The following MAT2A variants were observed in gnomAD, a reference collection of about 807,000 sequenced individuals.
MAT2A encodes the protein methionine adenosyltransferase 2A.
A neutral mutation model predicts 43.9 loss-of-function variants in MAT2A; 3 were observed. That is an observed-to-expected ratio of 0.07 (90% CI 0.03 to 0.18). MAT2A has a LOEUF of 0.18. MAT2A is among the 10% of genes least tolerant of loss of function. The pLI, the probability that MAT2A is intolerant of heterozygous loss-of-function variation, is 1.00. For missense variants in MAT2A, 204 were observed against 489.0 expected (o/e 0.42, Z 5.50); for synonymous variants, 200 against 168.4 (o/e 1.19, Z -1.45).
chr2:85,539,680 C>T (rs930124613), intron 1 of MAT2A: 1 of 249,378 alleles, frequency 4.0e-6, no homozygotes, highest in East Asian at 1.0e-4. Context: ...CTAGTGAGTT[C>T]TGGCCGGGAA....
intron 3 of MAT2A, 115 bp from the exon 4 acceptor site, chr2:85,541,518 G>T: frequency 6.9e-6 from 9 of 1,306,090 alleles, no homozygotes; most frequent in Non-Finnish European, 9.5e-6. Context: ...TCTCTAAAAG[G>T]TCCGATGGTT....
At chr2:85,541,416 C>T in intron 3 of MAT2A, 39 bp downstream of exon 3, 1 of 1,602,610 alleles carries the variant, frequency 6.2e-7, no homozygotes, top group Non-Finnish European at 8.5e-7. Context: ...TTCTAGGTAA[C>T]AGCTGTGAGG....
rs1573310765 is a variant in MAT2A at position 85,544,938 on chromosome 2, A to G, written c.*1166A>G. On this transcript the variant is annotated 3_prime_UTR_variant, in exon 9 of 9. Transcript: ENST00000306434. Reference sequence around the variant, plus strand: ...CACCTCAGATGGCAGCTTTTAAAAGATTTTTTTTTTTTCTCTCAACACCAT... The same window carrying G: ...CACCTCAGATGGCAGCTTTTAAAAGGTTTTTTTTTTTTCTCTCAACACCAT... 6.8e-6 allele frequency: 1 copy of G among 147,634 alleles called. No homozygotes were observed. The highest frequency in any genetic ancestry group is 2.5e-5 in the African/African-American group (1 of 40,306). 9.1% of individuals were successfully genotyped at this position (147,634 alleles called of 1,614,324 possible).
At chr2:85,540,278 G>GT (rs1691439033) in intron 1 of MAT2A, among the ~76,000 whole-genome samples, 2 of 152,200 alleles carry the variant, frequency 1.3e-5, no homozygotes, top group Admixed American at 1.3e-4. Flanking sequence ...TCTTTTGGCT[G>GT]TTTCTGCCCT....
chr2:85,541,756 G>A lies in MAT2A; in HGVS notation c.405+11G>A. On this transcript the variant is annotated intron_variant, in intron 4 of 8. Coordinates refer to ENST00000306434, the MANE Select transcript of MAT2A (RefSeq NM_005911.6). Reference sequence around the variant, plus strand: ...GGTGCTGGAGACCAGGTATCTTGGTGTAGAGGCTGTTTTAATCTCTTCTAA... The same window carrying A: ...GGTGCTGGAGACCAGGTATCTTGGTATAGAGGCTGTTTTAATCTCTTCTAA... 1.2e-6 allele frequency: 2 copies of A among 1,613,854 alleles called. No homozygotes were observed. Among genetic ancestry groups the A allele is most frequent in the South Asian group, 2.2e-5 (2 of 91,062 alleles).
chr2:85,541,933 T>C lies in MAT2A; in HGVS notation c.510T>C (p.Asn170=). Residue 170 remains asparagine, a synonymous_variant, in exon 5 of 9, where the codon AAT becomes AAC. Coordinates refer to ENST00000306434, the MANE Select transcript of MAT2A (RefSeq NM_005911.6). ...LNAKLAELRR[N]GTLPWLRPDS... ...CCAAACTGGCAGAACTACGCCGTAA[T>C]GGCACTTTGCCTTGGTTACGCCCTG... 1 of 1,614,244 alleles carries C rather than the reference T, an allele frequency of 6.2e-7. No individual in the cohort carries two copies. Among genetic ancestry groups the C allele is most frequent in the Non-Finnish European group, 8.5e-7 (1 of 1,180,024 alleles).
At chr2:85,539,609 C>T (rs1573306645) in intron 1 of MAT2A, 1 of 403,926 alleles carries the variant, frequency 2.5e-6, no homozygotes, top group Non-Finnish European at 4.4e-6. Flanking sequence ...CCTTTTCATT[C>T]GGTCGCGCGC....
Position 85,543,989 on chromosome 2 carries a change from G to C in MAT2A, c.*217G>C. 1 of 455,626 alleles carries C rather than the reference G, an allele frequency of 2.2e-6. No individual in the cohort carries two copies. Among genetic ancestry groups the C allele is most frequent in the Non-Finnish European group, 4.0e-6 (1 of 252,110 alleles). The allele number at this position is 455,626 out of a possible 1,614,324, so 28.2% of individuals were successfully genotyped here. A position where few individuals can be genotyped will look rare whatever the true frequency, so the allele number is the denominator to read the frequency against. On this transcript the variant is annotated 3_prime_UTR_variant, in exon 9 of 9. Transcript: ENST00000306434. Reference sequence around the variant, plus strand: ...TAGGTGTTTTGTTCACCATTATAATGAATTTAGTGAGCATAGGTGATCCAT... The same window carrying C: ...TAGGTGTTTTGTTCACCATTATAATCAATTTAGTGAGCATAGGTGATCCAT...
chr2:85,539,187 C>A lies in MAT2A; in HGVS notation c.-101C>A. The stretch of plus-strand genomic sequence containing the variant: ...TGCTTCGTTCGCTCCGCGCCGCCCG[C>A]CTGCTACGAGTAGAACGCTGTCCGC... On this transcript the variant is annotated 5_prime_UTR_variant, in exon 1 of 9. Transcript: ENST00000306434. 1 of 841,850 alleles carries A rather than the reference C, an allele frequency of 1.2e-6. No homozygotes were observed. Among genetic ancestry groups the A allele is most frequent in the South Asian group, 1.6e-5 (1 of 62,446 alleles). 52.1% of individuals were successfully genotyped at this position (841,850 alleles called of 1,614,324 possible).
At chr2:85,539,491 G>C in intron 1 of MAT2A, 113 bp downstream of exon 1, 2 of 758,262 alleles carry the variant, frequency 2.6e-6, no homozygotes, top group South Asian at 2.2e-5. Context: ...CGTCCGCCGG[G>C]TGATGGAAGA....
chr2:85,542,443 T>C, intron 6 of MAT2A, 70 bp downstream of exon 6: 1 of 1,561,652 alleles, frequency 6.4e-7, no homozygotes, highest in Non-Finnish European at 8.8e-7. Flanking sequence ...TACATTTTTT[T>C]CAGGCTTTCT....
At chr2:85,542,132 T>C (rs1691491532) in intron 5 of MAT2A, 23 bp from the exon 6 acceptor site, 1 of 1,601,508 alleles carries the variant, frequency 6.2e-7, no homozygotes, top group African/African-American at 1.3e-5. Flanking sequence ...TGTGATGTTC[T>C]GATGACCTGT....
chr2:85,542,684 T>C lies in MAT2A; in HGVS notation c.888T>C (p.Tyr296=), dbSNP rs1224779618. The C allele has an allele frequency of 3.1e-6, 5 of 1,613,660 alleles. No homozygotes were observed. Among genetic ancestry groups the C allele is most frequent in the South Asian group, 1.1e-5 (1 of 91,062 alleles). The change falls in exon 7 of 9, where the codon TAT becomes TAC. Residue 296 remains tyrosine (Y), a synonymous_variant. Transcript: ENST00000306434. ...CCAAGGTCGACCGTTCAGCTGCTTA[T>C]GCTGCTCGTTGGGTGGCAAAATCCC... ...DYTKVDRSAA[Y]AARWVAKSLV...
In MAT2A at chr2:85,544,711, C is replaced by T. The variant is rs1327454679; in HGVS notation, c.*939C>T. 3 of 152,578 alleles carry T rather than the reference C, an allele frequency of 2.0e-5. No homozygotes were observed. The highest frequency in any genetic ancestry group is 4.4e-5 in the Non-Finnish European group (3 of 68,044). The allele number at this position is 152,578 out of a possible 1,614,324, so 9.5% of individuals were successfully genotyped here. The stretch of plus-strand genomic sequence containing the variant: ...CTGAGTACTCCACACTGCACAATAA[C>T]TCCTCCCAGGGTTTTAACTTTGTTT... On this transcript the variant is annotated 3_prime_UTR_variant, in exon 9 of 9. Coordinates refer to ENST00000306434, the MANE Select transcript of MAT2A (RefSeq NM_005911.6).
chr2:85,542,412 G>T, intron 6 of MAT2A, 39 bp downstream of exon 6: 1 of 1,594,694 alleles, frequency 6.3e-7, no homozygotes, highest in Non-Finnish European at 8.6e-7. Flanking sequence ...ATTTTTGATG[G>T]TTACTTAAAA....
At chr2:85,540,463 C>T (rs928150839) in intron 1 of MAT2A, among the ~76,000 whole-genome samples, 1 of 152,182 alleles carries the variant, frequency 6.6e-6, no homozygotes. Flanking sequence ...TCAGAGCCTG[C>T]AGTCTGGCTT....
chr2:85,541,211 T>C, intron 2 of MAT2A, 44 bp from the exon 3 acceptor site: 2 of 1,612,120 alleles, frequency 1.2e-6, no homozygotes, highest in Non-Finnish European at 1.7e-6. Flanking sequence ...ATAAAAATTA[T>C]TTTTATAGAA....
Position 85,544,321 on chromosome 2 carries a change from C to T in MAT2A, c.*549C>T, listed in dbSNP as rs1691554847. 6.6e-6 allele frequency: 1 copy of T among 152,634 alleles called. No homozygotes were observed. Among genetic ancestry groups the T allele is most frequent in the Non-Finnish European group, 1.5e-5 (1 of 68,062 alleles). 9.5% of individuals were successfully genotyped at this position (152,634 alleles called of 1,614,324 possible). On this transcript the variant is annotated 3_prime_UTR_variant, in exon 9 of 9. Transcript: ENST00000306434. ...CTCTTTGTCAGGGAGTGTTCCCTATCCAATCAATCTTGCATGTAACGCAAG... is the reference window on the plus strand; with the variant it reads ...CTCTTTGTCAGGGAGTGTTCCCTATTCAATCAATCTTGCATGTAACGCAAG...
In MAT2A at chr2:85,539,207, G is replaced by GTCCGCAGCTTGCGCAT; in HGVS notation, c.-79_-64dup. On this transcript the variant is annotated 5_prime_UTR_variant, in exon 1 of 9. Coordinates refer to ENST00000306434, the MANE Select transcript of MAT2A (RefSeq NM_005911.6). ...GCCCGCCTGCTACGAGTAGAACGCT[G>GTCCGCAGCTTGCGCAT]TCCGCAGCTTGCGCATTTCGCAGCC... 4 of 1,010,000 alleles carry GTCCGCAGCTTGCGCAT rather than the reference G, an allele frequency of 4.0e-6. No individual in the cohort carries two copies. 62.6% of individuals were successfully genotyped at this position (1,010,000 alleles called of 1,614,324 possible). A position where few individuals can be genotyped will look rare whatever the true frequency, so the allele number is the denominator to read the frequency against.
Sources: allele counts gnomAD v4.1 joint callset (sites outside exome capture counted in the v4.1 genomes callset), GRCh38; gene constraint gnomAD v4.1.1; transcripts MANE v1.5; gene names NCBI Gene and HGNC (gene_info 2026-07-23, HGNC 2026-07-21).